Variants in FAM227B observed in about 807,000 individuals in gnomAD.
The protein encoded by FAM227B is family with sequence similarity 227 member B.
Under a neutral mutation model 73.8 loss-of-function variants are expected in FAM227B, and 88 were observed. The observed-to-expected ratio is 1.19, with a 90% CI of 1.00 to 1.42. The LOEUF (loss-of-function observed/expected upper bound fraction) is 1.42. FAM227B is among the 40% of genes most tolerant of loss of function. The pLI is 0.00. For missense variants in FAM227B, 632 were observed against 590.9 expected (o/e 1.07, Z -0.72); for synonymous variants, 210 against 190.5 (o/e 1.10, Z -0.84).
intron 9 of FAM227B, among the ~76,000 whole-genome samples, chr15:49,547,739 T>C (rs1192998191): frequency 1.3e-5 from 2 of 152,228 alleles, no homozygotes; most frequent in Non-Finnish European, 2.9e-5. Flanking sequence ...GACATTTATA[T>C]AATGATAAAG....
intron 10 of FAM227B, among the ~76,000 whole-genome samples, chr15:49,525,317 C>G (rs773321062): frequency 3.3e-5 from 5 of 152,058 alleles, no homozygotes; most frequent in Admixed American, 6.6e-5. Context: ...AAAGTTCTCT[C>G]TTCGCCTGCT....
intron 11 of FAM227B, among the ~76,000 whole-genome samples, chr15:49,422,163 T>TGC (rs5812485): frequency 1.2e-4 from 17 of 147,622 alleles, no homozygotes; most frequent in South Asian, 6.8e-4. Flanking sequence ...TGTGTGTGTG[T>TGC]GCGCGCGCGC....
chr15:49,388,306 A>G (rs1005524983), intron 11 of FAM227B, among the ~76,000 whole-genome samples: 4 of 151,954 alleles, frequency 2.6e-5, no homozygotes, highest in Non-Finnish European at 5.9e-5. Flanking sequence ...GGAACAGAAT[A>G]GAGAACCCAG....
Position 49,574,075 on chromosome 15 carries a change from T to TA in FAM227B, c.645+935dup, listed in dbSNP as rs533304333. The stretch of plus-strand genomic sequence containing the variant: ...TTGAAATCTACTTTGTATGATGGAT[T>TA]AAAAAAAAACTGACTTTGTAAGTTA... On this transcript the variant is annotated intron_variant, in intron 8 of 15. Transcript: ENST00000299338. Among the ~76,000 whole-genome samples the TA allele has an allele frequency of 1.7e-3, 263 of 151,650 alleles. 2 individuals carry two copies. The highest frequency in any genetic ancestry group is 2.1e-3 in the Non-Finnish European group (141 of 67,864).
At chr15:49,480,333 CAG>C (rs2055817663) in intron 11 of FAM227B, among the ~76,000 whole-genome samples, 1 of 151,962 alleles carries the variant, frequency 6.6e-6, no homozygotes, top group Admixed American at 6.6e-5. Context: ...TATTTTGAGA[CAG>C]AGCCTCACTC....
intron 9 of FAM227B, among the ~76,000 whole-genome samples, chr15:49,561,316 C>T (rs1417432283): frequency 6.6e-6 from 1 of 152,100 alleles, no homozygotes; most frequent in Non-Finnish European, 1.5e-5. Context: ...AACAAGAAGC[C>T]TTAACTTTCT....
chr15:49,527,584 T>C (rs1229086012), intron 10 of FAM227B, among the ~76,000 whole-genome samples: 1 of 151,938 alleles, frequency 6.6e-6, no homozygotes, highest in Non-Finnish European at 1.5e-5. Context: ...TGCTATGACA[T>C]GATCTTTTAC....
chr15:49,429,997 T>C (rs2050454152), intron 11 of FAM227B, among the ~76,000 whole-genome samples: 2 of 151,906 alleles, frequency 1.3e-5, no homozygotes, highest in Non-Finnish European at 2.9e-5. Flanking sequence ...TCAGACCCTG[T>C]AGAGGGATTC....
At chr15:49,607,341 G>T (rs1056064216) in intron 3 of FAM227B, among the ~76,000 whole-genome samples, 2 of 152,094 alleles carry the variant, frequency 1.3e-5, no homozygotes, top group Middle Eastern at 3.4e-3. Context: ...TAGCCACTTG[G>T]GAAAGTTTTC....
At chr15:49,501,371 G>A (rs560758715) in intron 11 of FAM227B, among the ~76,000 whole-genome samples, 2 of 152,338 alleles carry the variant, frequency 1.3e-5, no homozygotes, top group South Asian at 4.1e-4. Flanking sequence ...ATTGGGAACT[G>A]GAGCAAAGGT....
chr15:49,513,578 T>A (rs912082563), intron 10 of FAM227B, among the ~76,000 whole-genome samples: 1 of 152,218 alleles, frequency 6.6e-6, no homozygotes, highest in Admixed American at 6.5e-5. Context: ...GATCTCTTGC[T>A]GTGCAGAAGT....
At chr15:49,550,186 G>C (rs2072693173) in intron 9 of FAM227B, among the ~76,000 whole-genome samples, 1 of 149,072 alleles carries the variant, frequency 6.7e-6, no homozygotes, top group Non-Finnish European at 1.5e-5. Flanking sequence ...CTCCTGGACG[G>C]GGTGGCTGGC....
At chr15:49,615,078 A>C in intron 2 of FAM227B, 43 bp downstream of exon 2, 1 of 1,573,700 alleles carries the variant, frequency 6.4e-7, no homozygotes, top group East Asian at 2.2e-5. Context: ...CAAGAGAAAT[A>C]TAACCTTTGT....
At chr15:49,345,877 A>T (rs1202555182) in intron 13 of FAM227B, among the ~76,000 whole-genome samples, 4 of 152,166 alleles carry the variant, frequency 2.6e-5, no homozygotes, top group Non-Finnish European at 5.9e-5. Context: ...AAGCTTCTAG[A>T]AGTGAAGTAC....
rs529193881 is a variant in FAM227B at position 49,349,535 on chromosome 15, T to C, written c.1272-14039A>G. Among the ~76,000 whole-genome samples the C allele has an allele frequency of 2.6e-5, 4 of 152,320 alleles. No homozygotes were observed. The South Asian group carries it at 6.2e-4, about 24-fold the overall frequency. On this transcript the variant is annotated intron_variant, in intron 13 of 15. Transcript: ENST00000299338. ...TATTCTCTATTACATAAGTTTTAAA[T>C]GTATTTTTAAAAATCTGAAATTGGT...
At chr15:49,574,864 A>T in intron 8 of FAM227B, 147 bp downstream of exon 8, 1 of 474,292 alleles carries the variant, frequency 2.1e-6, no homozygotes, top group Non-Finnish European at 3.8e-6. Flanking sequence ...TCTAGACATC[A>T]TATAGGATTT....
intron 10 of FAM227B, among the ~76,000 whole-genome samples, chr15:49,528,173 T>C (rs1229749820): frequency 3.3e-5 from 5 of 151,608 alleles, no homozygotes; most frequent in East Asian, 1.9e-4. Context: ...TGAAGCAAAA[T>C]AGAGAACCTA....
chr15:49,377,369 G>A (rs1268795409), intron 11 of FAM227B, among the ~76,000 whole-genome samples: 1 of 151,858 alleles, frequency 6.6e-6, no homozygotes, highest in Non-Finnish European at 1.5e-5. Context: ...CTTTCTTTTG[G>A]GGGTACATAT....
intron 11 of FAM227B, among the ~76,000 whole-genome samples, chr15:49,419,986 C>A (rs896320574): frequency 2.6e-5 from 4 of 152,098 alleles, no homozygotes; most frequent in Non-Finnish European, 5.9e-5. Context: ...AGGATAACTA[C>A]AATTTAATGG....
Sources: gnomAD v4.1 joint callset for allele counts (sites outside exome capture counted in the v4.1 genomes callset) on GRCh38, gnomAD v4.1.1 for gene constraint, MANE v1.5 for transcripts, NCBI Gene and HGNC (gene_info 2026-07-23, HGNC 2026-07-21) for gene names.